The following AFF3 variants were observed in gnomAD, a reference collection of about 807,000 sequenced individuals.
AFF3 encodes AF4/FMR2 family member 3.
Under a neutral mutation model 129.7 loss-of-function variants are expected in AFF3, and 32 were observed. The observed-to-expected ratio is 0.25, with a 90% CI of 0.19 to 0.33. The LOEUF (loss-of-function observed/expected upper bound fraction) is 0.33. AFF3 is among the 10% of genes least tolerant of loss of function. The pLI, the probability that AFF3 is intolerant of heterozygous loss-of-function variation, is 1.00. For missense variants in AFF3, 1,373 were observed against 1,592.0 expected, an observed-to-expected ratio of 0.86 and a Z score of 2.34; for synonymous variants, 644 against 635.4, an observed-to-expected ratio of 1.01 and a Z score of -0.20.
At chr2:99,696,338 C>G (rs1223480196) in intron 11 of AFF3, among the ~76,000 whole-genome samples, 1 of 152,164 alleles carries the variant, frequency 6.6e-6, no homozygotes, top group Non-Finnish European at 1.5e-5. Flanking sequence ...ACACAGGGAG[C>G]AGAAATCATT....
intron 7 of AFF3, among the ~76,000 whole-genome samples, chr2:99,850,081 C>G (rs750901555): frequency 2.6e-5 from 4 of 151,968 alleles, no homozygotes; most frequent in Non-Finnish European, 5.9e-5. Context: ...AAAGTTAGAC[C>G]AGGGTAAGGG....
Position 99,975,816 on chromosome 2 carries a change from A to G in AFF3, c.873+30816T>C, listed in dbSNP as rs200398442. Among the ~76,000 whole-genome samples the G allele has an allele frequency of 2.0e-5, 3 of 147,740 alleles. No homozygotes were observed. The East Asian group carries it at 5.9e-4, about 29-fold the overall frequency. The stretch of plus-strand genomic sequence containing the variant: ...AGATTATAACAGTCTGCATCAAGAA[A>G]CATTTCATTTAATTCTGGAAAGGCA... On this transcript the variant is annotated intron_variant, in intron 7 of 24. Coordinates refer to ENST00000672756, the MANE Select transcript of AFF3 (RefSeq NM_001386135.1).
intron 7 of AFF3, among the ~76,000 whole-genome samples, chr2:99,859,137 T>A (rs1690776901): frequency 6.6e-6 from 1 of 152,252 alleles, no homozygotes; most frequent in African/African-American, 2.4e-5. Flanking sequence ...AGAATTATTT[T>A]ACACTTGCCC....
At chr2:99,780,384 G>A (rs1385712649) in intron 8 of AFF3, among the ~76,000 whole-genome samples, 1 of 152,094 alleles carries the variant, frequency 6.6e-6, no homozygotes, top group Non-Finnish European at 1.5e-5. Context: ...CTCCTTCCCA[G>A]GTTCCTTTGT....
intron 11 of AFF3, among the ~76,000 whole-genome samples, chr2:99,701,709 C>T (rs1676881466): frequency 6.6e-6 from 1 of 152,126 alleles, no homozygotes; most frequent in Admixed American, 6.5e-5. Flanking sequence ...GTGCACGTAG[C>T]TATATGTAAT....
At chr2:100,067,821 A>G (rs553263900) in intron 4 of AFF3, among the ~76,000 whole-genome samples, 1 of 152,312 alleles carries the variant, frequency 6.6e-6, no homozygotes, top group South Asian at 2.1e-4. Flanking sequence ...AGGCAGAGAC[A>G]TGAATTTGGG....
At position 100,129,687 on chromosome 2, in the gene AFF3, TA is replaced by T. The variant is rs529375690; in HGVS notation, c.-227-382del. ...TGATGCAGATCCAGTGTCTATATAATAAAAACAGCTAATTTTTACTGAGCGC... is the reference window on the plus strand; with the variant it reads ...TGATGCAGATCCAGTGTCTATATAATAAAACAGCTAATTTTTACTGAGCGC... On this transcript the variant is annotated intron_variant, in intron 1 of 24. Coordinates refer to ENST00000672756, the MANE Select transcript of AFF3 (RefSeq NM_001386135.1). Among the ~76,000 whole-genome samples the T allele has an allele frequency of 3.3e-3, 500 of 152,310 alleles. 6 individuals are homozygous for T. Among genetic ancestry groups the T allele is most frequent in the African/African-American group, 0.011 (477 of 41,576 alleles).
chr2:99,969,026 C>T (rs1051600611), intron 7 of AFF3, among the ~76,000 whole-genome samples: 9 of 152,108 alleles, frequency 5.9e-5, no homozygotes, highest in African/African-American at 1.9e-4. Flanking sequence ...TGGAGTCGGG[C>T]GGAACAAACT....
rs539537977 is a variant in AFF3, at chr2:99,842,824, C to T, written c.874-5300G>A. Among the ~76,000 whole-genome samples the T allele has an allele frequency of 9.2e-5, 14 of 152,246 alleles. No homozygotes were observed. In the East Asian group the frequency reaches 2.7e-3, roughly 29 times the overall value. ...GCACAGAATATGGGGAGAAGCAGGG[C>T]TTAAGGAAAAAGAGTGTGATCAAAT... On this transcript the variant is annotated intron_variant, in intron 7 of 24. Transcript: ENST00000672756.
At chr2:99,761,784 C>T (rs1413670253) in intron 8 of AFF3, among the ~76,000 whole-genome samples, 1 of 152,190 alleles carries the variant, frequency 6.6e-6, no homozygotes, top group African/African-American at 2.4e-5. Context: ...CTGTCACTGC[C>T]ACAGGAGAGT....
chr2:99,981,797 G>C (rs1559030793), intron 7 of AFF3, among the ~76,000 whole-genome samples: 1 of 152,146 alleles, frequency 6.6e-6, no homozygotes, highest in Non-Finnish European at 1.5e-5. Flanking sequence ...CTTTGAATTT[G>C]AGATCATGTT....
intron 8 of AFF3, among the ~76,000 whole-genome samples, chr2:99,795,558 G>A (rs775421168): frequency 6.6e-6 from 1 of 152,084 alleles, no homozygotes; most frequent in Non-Finnish European, 1.5e-5. Context: ...CAAGAAAAAG[G>A]TGTGGGGATA....
At chr2:99,735,311 A>C (rs951967074) in intron 10 of AFF3, among the ~76,000 whole-genome samples, 14 of 150,908 alleles carry the variant, frequency 9.3e-5, no homozygotes, top group Non-Finnish European at 1.5e-4. Flanking sequence ...CTGTATTATA[A>C]CTTCATTGAA....
intron 8 of AFF3, among the ~76,000 whole-genome samples, chr2:99,784,822 G>T (rs1420683855): frequency 1.3e-5 from 2 of 152,140 alleles, no homozygotes; most frequent in Non-Finnish European, 2.9e-5. Context: ...CCTTTCAGGT[G>T]ATCTCTATAG....
chr2:99,709,461 A>G (rs1047175814), intron 11 of AFF3, among the ~76,000 whole-genome samples: 2 of 152,320 alleles, frequency 1.3e-5, no homozygotes, highest in East Asian at 1.9e-4. Flanking sequence ...AGCCCAAACT[A>G]TCAATAGAAA....
chr2:99,809,327 C>A (rs965175810), intron 8 of AFF3, among the ~76,000 whole-genome samples: 12 of 152,190 alleles, frequency 7.9e-5, no homozygotes, highest in African/African-American at 2.9e-4. Flanking sequence ...TCAGGGTCTA[C>A]GGGGCAAGCC....
intron 4 of AFF3, among the ~76,000 whole-genome samples, chr2:100,044,668 C>T (rs891633309): frequency 2.0e-5 from 3 of 151,790 alleles, no homozygotes; most frequent in Middle Eastern, 3.2e-3. Context: ...ACCTGGCACT[C>T]GACTGAGCCT....
intron 4 of AFF3, among the ~76,000 whole-genome samples, chr2:100,034,459 T>C (rs1390735065): frequency 6.7e-6 from 1 of 149,540 alleles, no homozygotes; most frequent in African/African-American, 2.6e-5. Flanking sequence ...TCTTTTCATT[T>C]CAGAATTTTA....
At chr2:99,963,300 A>G (rs955516755) in intron 7 of AFF3, among the ~76,000 whole-genome samples, 1 of 152,208 alleles carries the variant, frequency 6.6e-6, no homozygotes, top group Non-Finnish European at 1.5e-5. Context: ...AAAGTTCTCT[A>G]AACAGAAAAG....
Sources: allele counts gnomAD v4.1 joint callset (sites outside exome capture counted in the v4.1 genomes callset), GRCh38; gene constraint gnomAD v4.1.1; transcripts MANE v1.5; gene names NCBI Gene and HGNC (gene_info 2026-07-23, HGNC 2026-07-21).